The following KIF13B variants were observed in gnomAD, a reference collection of about 807,000 sequenced individuals.
KIF13B encodes the protein kinesin family member 13B, also known as kinesin-like protein KIF13B.
KIF13B carries 127 observed loss-of-function variants against 222.0 expected under a neutral mutation model. That is an observed-to-expected ratio of 0.57 (90% CI 0.50 to 0.66). The LOEUF (loss-of-function observed/expected upper bound fraction) is 0.66, where lower values mean the gene tolerates loss of function less well. KIF13B is among the 30% of genes least tolerant of loss of function. The probability of loss-of-function intolerance (pLI) is 0.00; values close to 1 mark genes in which losing one functional copy is unlikely to be tolerated. For synonymous variants in KIF13B, 976 were observed against 919.0 expected (o/e 1.06, Z -1.12); for missense variants, 2,173 against 2,379.0 (o/e 0.91, Z 1.80).
At chr8:29,262,558 C>A (rs1425345295) in intron 1 of KIF13B, among the ~76,000 whole-genome samples, 1 of 150,904 alleles carries the variant, frequency 6.6e-6, no homozygotes, top group Non-Finnish European at 1.5e-5. Context: ...GGTCCCGAGG[C>A]GGGCTGCAGG....
At chr8:29,231,813 A>T (rs1370171439) in intron 2 of KIF13B, among the ~76,000 whole-genome samples, 1 of 152,218 alleles carries the variant, frequency 6.6e-6, no homozygotes, top group Non-Finnish European at 1.5e-5. Context: ...ATATATGTGT[A>T]TATGTAAACA....
intron 10 of KIF13B, among the ~76,000 whole-genome samples, chr8:29,173,718 T>C (rs889073447): frequency 1.3e-5 from 2 of 149,910 alleles, no homozygotes; most frequent in Non-Finnish European, 3.0e-5. Flanking sequence ...CTGAGGCGGG[T>C]GGATCACTTG....
At position 29,117,001 on chromosome 8, in the gene KIF13B, C is replaced by T; in HGVS notation, c.3667G>A (p.Ala1223Thr). The T allele has an allele frequency of 3.2e-6, 5 of 1,575,104 alleles. No individual in the cohort carries two copies. The highest frequency in any genetic ancestry group is 1.4e-5 in the African/African-American group (1 of 73,712). Reference protein sequence around the residue: ...IVKQHDGEVKAEASWDSAVHG... With the variant: ...IVKQHDGEVKTEASWDSAVHG... ...ACCGCGGAGTCCCAGGAGGCTTCTGCTTTCACCTGGAGAGAAGACAGAGAG... is the reference window on the plus strand; with the variant it reads ...ACCGCGGAGTCCCAGGAGGCTTCTGTTTTCACCTGGAGAGAAGACAGAGAG... Residue 1223 changes from alanine to threonine, a missense_variant, in exon 31 of 40, where the codon GCA (alanine) becomes ACA (threonine). By Grantham distance (58) the Ala-to-Thr change is moderately conservative. Coordinates refer to ENST00000524189, the MANE Select transcript of KIF13B (RefSeq NM_015254.4).
intron 12 of KIF13B, among the ~76,000 whole-genome samples, chr8:29,162,473 C>T (rs1811823424): frequency 6.6e-6 from 1 of 152,164 alleles, no homozygotes; most frequent in Admixed American, 6.5e-5. Context: ...TCATTTAATG[C>T]TAACCATCAG....
At chr8:29,228,463 T>C (rs1554622278) in intron 2 of KIF13B, among the ~76,000 whole-genome samples, 1 of 24,550 alleles carries the variant, frequency 4.1e-5, no homozygotes, top group Non-Finnish European at 1.4e-4. Context: ...CCAGACTCCA[T>C]CTTAAAAAAA....
At chr8:29,206,293 C>T (rs1176188583) in intron 2 of KIF13B, among the ~76,000 whole-genome samples, 1 of 148,592 alleles carries the variant, frequency 6.7e-6, no homozygotes, top group East Asian at 1.9e-4. Flanking sequence ...AAAAGGCATA[C>T]TTGAAGTGCA....
intron 21 of KIF13B, among the ~76,000 whole-genome samples, chr8:29,135,232 A>G (rs772389435): frequency 6.6e-6 from 1 of 151,996 alleles, no homozygotes; most frequent in Non-Finnish European, 1.5e-5. Context: ...TTTAGTAGAG[A>G]TGAGGTCTCA....
chr8:29,157,164 C>A (rs1208208862), intron 13 of KIF13B, among the ~76,000 whole-genome samples: 1 of 151,980 alleles, frequency 6.6e-6, no homozygotes, highest in Non-Finnish European at 1.5e-5. Context: ...CCTCCAGGAT[C>A]TCTTGCCTGT....
chr8:29,116,649 G>A (rs774144652), intron 31 of KIF13B, among the ~76,000 whole-genome samples, 182 bp downstream of exon 31: 3 of 152,106 alleles, frequency 2.0e-5, no homozygotes, highest in Non-Finnish European at 4.4e-5. Flanking sequence ...TACTGTCCAG[G>A]AGCAAGTGAC....
At chr8:29,075,709 G>GCT (rs1259025449) in intron 37 of KIF13B, among the ~76,000 whole-genome samples, 1 of 152,240 alleles carries the variant, frequency 6.6e-6, no homozygotes, top group South Asian at 2.1e-4. Flanking sequence ...GCCATGCCAG[G>GCT]CTCTGATGGC....
intron 2 of KIF13B, among the ~76,000 whole-genome samples, chr8:29,238,706 T>A (rs1815624026): frequency 6.6e-6 from 1 of 152,140 alleles, no homozygotes; most frequent in Admixed American, 6.5e-5. Flanking sequence ...GCTACTTTCA[T>A]CCATGTTAGA....
intron 36 of KIF13B, among the ~76,000 whole-genome samples, chr8:29,097,636 A>G (rs1245195151): frequency 6.6e-6 from 1 of 152,230 alleles, no homozygotes; most frequent in Non-Finnish European, 1.5e-5. Flanking sequence ...GGATCAAAGA[A>G]GCAATCAGAG....
chr8:29,184,217 T>C (rs1447730087), intron 6 of KIF13B, among the ~76,000 whole-genome samples: 3 of 152,054 alleles, frequency 2.0e-5, no homozygotes, highest in Non-Finnish European at 4.4e-5. Flanking sequence ...TGAATTAATA[T>C]AATTAGTACG....
intron 3 of KIF13B, among the ~76,000 whole-genome samples, chr8:29,195,076 C>T (rs745685624): frequency 2.6e-5 from 4 of 151,934 alleles, no homozygotes; most frequent in Admixed American, 1.3e-4. Context: ...GGTGAAACCC[C>T]GTCTCTACCA....
intron 36 of KIF13B, among the ~76,000 whole-genome samples, chr8:29,096,881 T>G (rs766936414): frequency 6.6e-6 from 1 of 152,084 alleles, no homozygotes; most frequent in Non-Finnish European, 1.5e-5. Flanking sequence ...TTTTGTTTAT[T>G]AACCCAAAAG....
chr8:29,263,134 G>A (rs1158891908), upstream of KIF13B: 9 of 1,154,168 alleles, frequency 7.8e-6, no homozygotes, highest in East Asian at 2.1e-4. Context: ...CGGAGCCGGG[G>A]GTGGGGACCG....
At chr8:29,233,115 C>T (rs1255110011) in intron 2 of KIF13B, among the ~76,000 whole-genome samples, 1 of 152,142 alleles carries the variant, frequency 6.6e-6, no homozygotes, top group African/African-American at 2.4e-5. Flanking sequence ...GAGATCATGC[C>T]ACTGCACTCT....
intron 2 of KIF13B, among the ~76,000 whole-genome samples, chr8:29,212,424 C>T (rs901591945): frequency 6.6e-6 from 1 of 152,206 alleles, no homozygotes; most frequent in Admixed American, 6.5e-5. Flanking sequence ...CCTCTCACTG[C>T]AGTTTTAAAC....
intron 32 of KIF13B, among the ~76,000 whole-genome samples, 162 bp downstream of exon 32, chr8:29,113,301 A>T (rs1349632670): frequency 6.6e-6 from 1 of 152,240 alleles, no homozygotes; most frequent in Admixed American, 6.5e-5. Flanking sequence ...AGCCACAAGT[A>T]CATTTTACTA....
Sources: allele counts gnomAD v4.1 joint callset (sites outside exome capture counted in the v4.1 genomes callset), GRCh38; gene constraint gnomAD v4.1.1; transcripts MANE v1.5; gene names NCBI Gene and HGNC (gene_info 2026-07-23, HGNC 2026-07-21).